BAMBI: variants seen among roughly 807,000 people sequenced by gnomAD.
BAMBI encodes the protein BMP and activin membrane bound inhibitor.
In BAMBI, 21 loss-of-function variants were observed where a neutral mutation model predicts 24.1. That is an observed-to-expected ratio of 0.87 (90% CI 0.62 to 1.26). The LOEUF (loss-of-function observed/expected upper bound fraction) is 1.26, where lower values mean the gene tolerates loss of function less well. BAMBI is among the 50% of genes most tolerant of loss of function. The pLI, the probability that BAMBI is intolerant of heterozygous loss-of-function variation, is 0.00. For synonymous variants in BAMBI, 156 were observed against 123.1 expected, an observed-to-expected ratio of 1.27 and a Z score of -1.77; for missense variants, 388 against 329.1, an observed-to-expected ratio of 1.18 and a Z score of -1.38.
chr10:28,681,429 A>G lies in BAMBI; in HGVS notation c.248A>G (p.Lys83Arg), dbSNP rs1306191181. ...AGCACGACAGACATCTGCCAAGCCAAACAGGCCCGAAACCACTCTGGCACC... is the reference window on the plus strand; with the variant it reads ...AGCACGACAGACATCTGCCAAGCCAGACAGGCCCGAAACCACTCTGGCACC... ...LASTTDICQA[K>R]QARNHSGTTI... The change falls in exon 2 of 3, where the codon AAA becomes AGA. Residue 83 changes from lysine (K) to arginine (R), a missense_variant. Coordinates refer to ENST00000375533, the MANE Select transcript of BAMBI (RefSeq NM_012342.3). 1 of 1,614,160 alleles carries G rather than the reference A, an allele frequency of 6.2e-7. No individual in the cohort carries two copies. Among genetic ancestry groups the G allele is most frequent in the East Asian group, 2.2e-5 (1 of 44,884 alleles).
chr10:28,680,023 C>A (rs576148618), intron 1 of BAMBI, among the ~76,000 whole-genome samples: 1 of 152,238 alleles, frequency 6.6e-6, no homozygotes, highest in Non-Finnish European at 1.5e-5. Context: ...CATACAATAC[C>A]GTGGTCTGGA....
intron 1 of BAMBI, among the ~76,000 whole-genome samples, chr10:28,680,029 C>G (rs143762947): frequency 8.5e-5 from 13 of 152,234 alleles, no homozygotes; most frequent in Admixed American, 7.2e-4. Context: ...ATACCGTGGT[C>G]TGGAATTTGG....
chr10:28,682,271 C>CGGTCAGT lies in BAMBI; in HGVS notation c.656_662dup (p.His222GlnfsTer11), dbSNP rs1834507759. 2.5e-6 allele frequency: 4 copies of CGGTCAGT among 1,614,080 alleles called. No individual in the cohort carries two copies. Among genetic ancestry groups the CGGTCAGT allele is most frequent in the Non-Finnish European group, 3.4e-6 (4 of 1,180,034 alleles). On this transcript the variant is annotated frameshift_variant, in exon 3 of 3. Coordinates refer to ENST00000375533, the MANE Select transcript of BAMBI (RefSeq NM_012342.3). LOFTEE classifies it high-confidence loss of function. ...AAGTTAGACTTGGAATGCATGGTGC[C>CGGTCAGT]GGTCAGTGGGCACGAGAACTGCTGT...
At chr10:28,680,553 A>T (rs930135525) in intron 1 of BAMBI, among the ~76,000 whole-genome samples, 3 of 152,112 alleles carry the variant, frequency 2.0e-5, no homozygotes, top group African/African-American at 7.2e-5. Flanking sequence ...TACTCCCCCC[A>T]CCTTTTATGA....
intron 1 of BAMBI, among the ~76,000 whole-genome samples, chr10:28,679,697 T>A (rs1679802044): frequency 6.6e-6 from 1 of 152,232 alleles, no homozygotes; most frequent in Non-Finnish European, 1.5e-5. Context: ...CAAAATGGGC[T>A]TTTAATCTGT....
In BAMBI at chr10:28,682,395, CG is replaced by C. The variant is rs1834509716; in HGVS notation, c.778del (p.Val260TyrfsTer18). On this transcript the variant is annotated frameshift_variant, in exon 3 of 3. Coordinates refer to ENST00000375533, the MANE Select transcript of BAMBI (RefSeq NM_012342.3). LOFTEE classifies it high-confidence loss of function. ...ACAGTGGGCACGGGAAGCTGGAATT[CG>C]TATGACGGAGTCTTATCTGAACTAC... is the stretch of plus-strand genomic sequence containing the variant. ...MYSGHGKLEFV is the reference protein window; with the variant it reads ...MYSGHGKLEFX 6.2e-7 allele frequency: 1 copy of C among 1,608,704 alleles called. No individual in the cohort carries two copies. Among genetic ancestry groups the C allele is most frequent in the Non-Finnish European group, 8.5e-7 (1 of 1,175,722 alleles).
chr10:28,679,885 G>A (rs1834479853), intron 1 of BAMBI, among the ~76,000 whole-genome samples: 1 of 152,122 alleles, frequency 6.6e-6, no homozygotes, highest in Non-Finnish European at 1.5e-5. Context: ...AAGGAACTTG[G>A]GCCCAACCAG....
Position 28,681,747 on chromosome 10 carries a change from G to A in BAMBI, c.364+202G>A, listed in dbSNP as rs971590105. ...GATGTCTGTCTACATAATAGGTTTT[G>A]CCTGTTTTTTCAACATTTTGAAGAC... On this transcript the variant is annotated intron_variant, in intron 2 of 2. Coordinates refer to ENST00000375533, the MANE Select transcript of BAMBI (RefSeq NM_012342.3). 1.1e-5 allele frequency: 8 copies of A among 757,166 alleles called. No homozygotes were observed. In the Admixed American group the frequency reaches 2.1e-4, roughly 20 times the overall value. 46.9% of individuals were successfully genotyped at this position (757,166 alleles called of 1,614,324 possible).
rs1364267083 is a variant in BAMBI at position 28,682,460 on chromosome 10, G to C, written c.*59G>C. The C allele has an allele frequency of 2.7e-6, 4 of 1,471,400 alleles. No homozygotes were observed. Among genetic ancestry groups the C allele is most frequent in the Non-Finnish European group, 3.7e-6 (4 of 1,082,352 alleles). The allele number at this position is 1,471,400 out of a possible 1,614,324, so 91.1% of individuals were successfully genotyped here. A position where few individuals can be genotyped will look rare whatever the true frequency, so the allele number is the denominator to read the frequency against. On this transcript the variant is annotated 3_prime_UTR_variant, in exon 3 of 3. Transcript: ENST00000375533. Reference sequence around the variant, plus strand: ...CTTGAAGGCCTTTTGAGTTCTGCTGGACAGGAGCACTTTATCTGAAGACAA... The same window carrying C: ...CTTGAAGGCCTTTTGAGTTCTGCTGCACAGGAGCACTTTATCTGAAGACAA...
rs568792679 is a variant in BAMBI at position 28,682,746 on chromosome 10, G to T, written c.*345G>T. On this transcript the variant is annotated 3_prime_UTR_variant, in exon 3 of 3. Transcript: ENST00000375533. ...CTTGATTTATTGTAAAGATTTAAAA[G>T]AAATATATATATTTTGTCTGAAATT... 1.1e-5 allele frequency: 2 copies of T among 180,958 alleles called. No individual in the cohort carries two copies. The highest frequency in any genetic ancestry group is 1.7e-4 in the South Asian group (1 of 5,940). 11.2% of individuals were successfully genotyped at this position (180,958 alleles called of 1,614,324 possible). A position where few individuals can be genotyped will look rare whatever the true frequency, so the allele number is the denominator to read the frequency against.
intron 2 of BAMBI, 22 bp from the exon 3 acceptor site, chr10:28,681,961 C>G: frequency 1.3e-6 from 2 of 1,585,180 alleles, no homozygotes; most frequent in African/African-American, 1.4e-5. Flanking sequence ...GGAGTTTGAT[C>G]ATTTTCTTTG....
At chr10:28,679,548 T>G (rs776554181) in intron 1 of BAMBI, among the ~76,000 whole-genome samples, 2 of 152,100 alleles carry the variant, frequency 1.3e-5, no homozygotes, top group East Asian at 1.9e-4. Flanking sequence ...AAAAAGGTAG[T>G]TAGAACTTTC....
intron 2 of BAMBI, 111 bp from the exon 3 acceptor site, chr10:28,681,872 T>A: frequency 8.8e-7 from 1 of 1,136,992 alleles, no homozygotes; most frequent in Non-Finnish European, 1.3e-6. Flanking sequence ...ATCGTTGATT[T>A]AATTGTAAGC....
chr10:28,681,117 C>T, intron 1 of BAMBI, 141 bp from the exon 2 acceptor site: 7 of 829,244 alleles, frequency 8.4e-6, no homozygotes, highest in Non-Finnish European at 1.3e-5. Context: ...GGAAGGGCTT[C>T]TCCAGGCTCT....
At chr10:28,678,084 C>A (rs1834456510) in intron 1 of BAMBI, 111 bp downstream of exon 1, 9 of 971,804 alleles carry the variant, frequency 9.3e-6, no homozygotes, top group Non-Finnish European at 1.3e-5. Flanking sequence ...GCGCCGGAGC[C>A]GCAGGTCGCG....
intron 1 of BAMBI, among the ~76,000 whole-genome samples, chr10:28,680,648 A>T (rs1834487705): frequency 1.3e-5 from 2 of 152,210 alleles, no homozygotes; most frequent in South Asian, 4.1e-4. Flanking sequence ...CAATATACTG[A>T]CTAAAAGCTC....
intron 1 of BAMBI, among the ~76,000 whole-genome samples, chr10:28,678,509 C>G (rs1022687323): frequency 6.6e-6 from 1 of 152,200 alleles, no homozygotes; most frequent in Admixed American, 6.5e-5. Flanking sequence ...GAATGCATTT[C>G]TGTGTCTCTT....
chr10:28,680,148 A>G (rs1199816311), intron 1 of BAMBI, among the ~76,000 whole-genome samples: 1 of 152,174 alleles, frequency 6.6e-6, no homozygotes. Flanking sequence ...GTTTAATTTC[A>G]GAGTGGAGGT....
rs918329443 is a variant in BAMBI, at chr10:28,681,368, T to TC, written c.191dup (p.Leu65ThrfsTer37). ...ACTTCTTGATCCTCAGAACTCAAATTCCCCACTCACCCATGGCTGCCTGGA... is the reference window on the plus strand; with the variant it reads ...ACTTCTTGATCCTCAGAACTCAAATTCCCCCACTCACCCATGGCTGCCTGGA... On this transcript the variant is annotated frameshift_variant, in exon 2 of 3. Coordinates refer to ENST00000375533, the MANE Select transcript of BAMBI (RefSeq NM_012342.3). LOFTEE classifies it high-confidence loss of function. The TC allele has an allele frequency of 6.2e-7, 1 of 1,614,048 alleles. No individual in the cohort carries two copies. Among genetic ancestry groups the TC allele is most frequent in the Middle Eastern group, 1.6e-4 (1 of 6,062 alleles).
Sources: allele counts gnomAD v4.1 joint callset (sites outside exome capture counted in the v4.1 genomes callset), GRCh38; gene constraint gnomAD v4.1.1; transcripts MANE v1.5; gene names NCBI Gene and HGNC (gene_info 2026-07-23, HGNC 2026-07-21).